Variants in CEP170 observed in about 807,000 individuals in gnomAD.
CEP170 encodes centrosomal protein 170, also known as centrosomal protein of 170 kDa.
A neutral mutation model predicts 151.9 loss-of-function variants in CEP170; 21 were observed. The observed-to-expected ratio is 0.14, with a 90% CI of 0.10 to 0.20. The LOEUF (loss-of-function observed/expected upper bound fraction) is 0.20, where lower values mean the gene tolerates loss of function less well. Ranked by LOEUF, CEP170 falls within the 10% of genes least tolerant of loss-of-function variation. CEP170 has a pLI of 1.00. For missense variants in CEP170, 964 were observed against 1,892.9 expected, an observed-to-expected ratio of 0.51 and a Z score of 9.11; for synonymous variants, 356 against 648.8, an observed-to-expected ratio of 0.55 and a Z score of 6.86.
intron 1 of CEP170, among the ~76,000 whole-genome samples, chr1:243,244,068 A>C (rs1229019510): frequency 3.9e-5 from 6 of 152,224 alleles, no homozygotes. Flanking sequence ...ACTGAAACAT[A>C]ATTAGCCTCA....
intron 1 of CEP170, among the ~76,000 whole-genome samples, chr1:243,230,319 A>C (rs1175620413): frequency 6.6e-6 from 1 of 151,794 alleles, no homozygotes; most frequent in African/African-American, 2.4e-5. Flanking sequence ...TGAATAAATA[A>C]AAATAAGATA....
intron 13 of CEP170, among the ~76,000 whole-genome samples, chr1:243,158,192 G>A (rs565348572): frequency 3.9e-5 from 6 of 152,116 alleles, no homozygotes; most frequent in East Asian, 1.9e-4. Flanking sequence ...TAAGAAATAC[G>A]GCAGGCAAAA....
Position 243,225,287 on chromosome 1 carries a change from C to T in CEP170, c.-7G>A. The T allele has an allele frequency of 6.4e-7, 1 of 1,573,974 alleles. No homozygotes were observed. Among genetic ancestry groups the T allele is most frequent in the Non-Finnish European group, 8.6e-7 (1 of 1,159,042 alleles). ...ACCAGGATGTTAAGCTCATTTTCTG[C>T]TTAGCTTCTAAGTCTTTGGCAAAGC... On this transcript the variant is annotated 5_prime_UTR_variant, in exon 2 of 20. Coordinates refer to ENST00000366542, the MANE Select transcript of CEP170 (RefSeq NM_014812.3).
At chr1:243,172,940 A>T (rs1470622032) in intron 10 of CEP170, 94 bp from the exon 11 acceptor site, 1 of 1,263,958 alleles carries the variant, frequency 7.9e-7, no homozygotes, top group Non-Finnish European at 1.0e-6. Flanking sequence ...GCAAATAAAA[A>T]TATTCCAAAT....
rs1298677271 is a variant in CEP170, at chr1:243,164,148, C to A, written c.3676+136G>T. The A allele has an allele frequency of 1.3e-5, 15 of 1,156,670 alleles. No individual in the cohort carries two copies. The East Asian group carries it at 3.6e-4, about 28-fold the overall frequency. The allele number at this position is 1,156,670 out of a possible 1,614,324, so 71.7% of individuals were successfully genotyped here. On this transcript the variant is annotated intron_variant, in intron 13 of 19. Transcript: ENST00000366542. ...TTTTATAGACCCCCCACCGCCGCTG[C>A]CCCGTATATCATAACTTTTGTTTTG... is the stretch of plus-strand genomic sequence containing the variant.
At chr1:243,127,924 C>T (rs1175968523) in intron 19 of CEP170, among the ~76,000 whole-genome samples, 1 of 152,064 alleles carries the variant, frequency 6.6e-6, no homozygotes, top group East Asian at 1.9e-4. Context: ...ACAAATAATG[C>T]TAATTAACAC....
chr1:243,212,805 G>C (rs866555522), intron 3 of CEP170, among the ~76,000 whole-genome samples: 12 of 151,890 alleles, frequency 7.9e-5, no homozygotes, highest in African/African-American at 2.7e-4. Flanking sequence ...CTGGACTACA[G>C]GTGCATGCTA....
chr1:243,206,115 G>A (rs907364356), intron 4 of CEP170, among the ~76,000 whole-genome samples: 2 of 152,106 alleles, frequency 1.3e-5, no homozygotes, highest in African/African-American at 4.8e-5. Flanking sequence ...AGCCAATTTC[G>A]AATTCTATCC....
At chr1:243,214,406 C>T (rs998424051) in intron 3 of CEP170, among the ~76,000 whole-genome samples, 1 of 150,350 alleles carries the variant, frequency 6.7e-6, no homozygotes, top group African/African-American at 2.4e-5. Flanking sequence ...CTGCCTCAGC[C>T]TCTCAAGTAG....
intron 14 of CEP170, among the ~76,000 whole-genome samples, chr1:243,149,358 A>G (rs1457106322): frequency 1.8e-4 from 28 of 152,286 alleles, no homozygotes; most frequent in Admixed American, 1.8e-3. Flanking sequence ...AATAAACAAG[A>G]CCTGAGATAG....
At chr1:243,217,911 T>C (rs907512571) in intron 3 of CEP170, among the ~76,000 whole-genome samples, 1 of 152,188 alleles carries the variant, frequency 6.6e-6, no homozygotes, top group South Asian at 2.1e-4. Flanking sequence ...GAACTACAAA[T>C]CCTATGAGCG....
intron 4 of CEP170, chr1:243,211,376 G>C (rs2061791154): frequency 6.5e-6 from 1 of 152,698 alleles, no homozygotes; most frequent in Admixed American, 6.5e-5. Flanking sequence ...TAATCAGAGA[G>C]CGTAGGTCTT....
intron 4 of CEP170, among the ~76,000 whole-genome samples, chr1:243,206,346 C>T (rs2061421555): frequency 6.9e-6 from 1 of 145,834 alleles, no homozygotes; most frequent in African/African-American, 2.5e-5. Context: ...GTTTGCGAGG[C>T]TGATCTCAAA....
Position 243,185,826 on chromosome 1 carries a change from C to G in CEP170, c.1519G>C (p.Glu507Gln). ...TCCACTTCCTCACTGTTGGGATTCT[C>G]TAACTCAATGGTATAAGTACCCTTG... is the stretch of plus-strand genomic sequence containing the variant. ...SDKGTYTIEL[E>Q]NPNSEEVEAR... Residue 507 changes from glutamate (E) to glutamine (Q), a missense_variant, in exon 10 of 20, where the codon GAG (glutamate) becomes CAG (glutamine). Physicochemically the swap from Glu to Gln is conservative, Grantham distance 29. Coordinates refer to ENST00000366542, the MANE Select transcript of CEP170 (RefSeq NM_014812.3). The surrounding 1 kb of genome is among the most constrained non-coding windows in gnomAD (Gnocchi z 4.9). 1.2e-6 allele frequency: 2 copies of G among 1,604,786 alleles called. No individual in the cohort carries two copies. The highest frequency in any genetic ancestry group is 1.7e-6 in the Non-Finnish European group (2 of 1,176,656).
At chr1:243,175,854 T>A (rs534844034) in intron 10 of CEP170, among the ~76,000 whole-genome samples, 1 of 152,318 alleles carries the variant, frequency 6.6e-6, no homozygotes, top group Admixed American at 6.5e-5. Context: ...CGGAGTGCAG[T>A]GGCGCGATCT....
chr1:243,125,510 T>C lies in CEP170; in HGVS notation c.*939A>G, dbSNP rs1376041682. ...CATGATCATTTCAAGGGAATTTCTT[T>C]TTCAACTGTCACATATAAACTTGGT... On this transcript the variant is annotated 3_prime_UTR_variant, in exon 20 of 20. Transcript: ENST00000366542. 1 of 152,730 alleles carries C rather than the reference T, an allele frequency of 6.5e-6. No individual in the cohort carries two copies. The highest frequency in any genetic ancestry group is 6.5e-5 in the Admixed American group (1 of 15,290). The allele number at this position is 152,730 out of a possible 1,614,324, so 9.5% of individuals were successfully genotyped here.
chr1:243,140,190 A>G, intron 15 of CEP170, 83 bp from the exon 16 acceptor site: 9 of 1,530,392 alleles, frequency 5.9e-6, no homozygotes, highest in Non-Finnish European at 7.9e-6. Flanking sequence ...TTATGATTAG[A>G]CAGAAGTTAT....
At chr1:243,187,641 A>C (rs2060020357) in intron 8 of CEP170, among the ~76,000 whole-genome samples, 1 of 152,194 alleles carries the variant, frequency 6.6e-6, no homozygotes. Flanking sequence ...ATCAGACACG[A>C]AAGACTTGGG....
intron 3 of CEP170, among the ~76,000 whole-genome samples, chr1:243,216,216 T>C (rs1032364603): frequency 1.3e-5 from 2 of 152,202 alleles, no homozygotes; most frequent in Non-Finnish European, 2.9e-5. Flanking sequence ...TTTATTATTA[T>C]TATACTTTAA....
Sources: gnomAD v4.1 joint callset for allele counts (sites outside exome capture counted in the v4.1 genomes callset) on GRCh38, gnomAD v4.1.1 for gene constraint, Gnocchi (gnomAD v3.1) non-coding constraint, MANE v1.5 for transcripts, NCBI Gene and HGNC (gene_info 2026-07-23, HGNC 2026-07-21) for gene names.